Variants in STXBP4 observed in about 807,000 individuals in gnomAD.
The protein encoded by STXBP4 is syntaxin-binding protein 4.
STXBP4 carries 55 observed loss-of-function variants against 76.1 expected under a neutral mutation model. The ratio of observed to expected loss-of-function variants is 0.72; its 90% CI spans 0.58 to 0.91. The LOEUF (loss-of-function observed/expected upper bound fraction) is 0.91, where lower values mean the gene tolerates loss of function less well. Ranked by LOEUF, STXBP4 falls within the 40% of genes least tolerant of loss-of-function variation. The pLI is 0.00. For synonymous variants in STXBP4, 201 were observed against 220.2 expected, an observed-to-expected ratio of 0.91 and a Z score of 0.77; for missense variants, 618 against 636.9, an observed-to-expected ratio of 0.97 and a Z score of 0.32.
intron 1 of STXBP4, among the ~76,000 whole-genome samples, chr17:54,973,740 G>C (rs1464287315): frequency 1.3e-5 from 2 of 152,208 alleles, no homozygotes; most frequent in Admixed American, 6.5e-5. Context: ...TGGAATGAGA[G>C]CTCCTCAGGG....
the STXBP4 span, among the ~76,000 whole-genome samples, chr17:55,208,810 G>A: frequency 1.3e-5 from 2 of 152,066 alleles, no homozygotes; most frequent in Non-Finnish European, 2.9e-5. Context: ...GGCTAGGCAC[G>A]GTGACTTACG....
rs1321048630 is a variant in STXBP4 at position 55,163,595 on chromosome 17, CT to C, written c.*3685del. On this transcript the variant is annotated 3_prime_UTR_variant, in exon 18 of 18. Coordinates refer to ENST00000376352, the MANE Select transcript of STXBP4 (RefSeq NM_178509.6). ...AACTCAGCAAACACTTCCTGAGCAC[CT>C]GCTACATGCCAGGCAAAATGTGAAA... is the stretch of plus-strand genomic sequence containing the variant. 2 of 152,186 alleles carry C rather than the reference CT, an allele frequency of 1.3e-5. No individual in the cohort carries two copies. 9.4% of individuals were successfully genotyped at this position (152,186 alleles called of 1,614,324 possible).
At chr17:55,022,721 A>G (rs1178268927) in intron 8 of STXBP4, among the ~76,000 whole-genome samples, 1 of 152,188 alleles carries the variant, frequency 6.6e-6, no homozygotes, top group African/African-American at 2.4e-5. Flanking sequence ...AACTTCTGAG[A>G]TATAAGGGAA....
intron 3 of STXBP4, among the ~76,000 whole-genome samples, chr17:54,988,950 A>G (rs377200313): frequency 7.2e-5 from 11 of 152,334 alleles, no homozygotes; most frequent in African/African-American, 2.4e-4. Flanking sequence ...GGAGAGCAAA[A>G]TAGTCAAAAA....
At chr17:55,012,225 A>G (rs2078128565) in intron 8 of STXBP4, among the ~76,000 whole-genome samples, 1 of 152,140 alleles carries the variant, frequency 6.6e-6, no homozygotes, top group South Asian at 2.1e-4. Flanking sequence ...AGCTGCAGGC[A>G]AAAGTATTTT....
intron 16 of STXBP4, among the ~76,000 whole-genome samples, chr17:55,088,188 T>G (rs1435172339): frequency 6.6e-6 from 1 of 152,202 alleles, no homozygotes. Flanking sequence ...AAAACAAAAT[T>G]ACTACCATGA....
chr17:55,047,999 A>G (rs1052414936), intron 12 of STXBP4, among the ~76,000 whole-genome samples: 3 of 151,910 alleles, frequency 2.0e-5, no homozygotes, highest in African/African-American at 7.2e-5. Flanking sequence ...AATTAGATGA[A>G]GAACAAACAA....
chr17:55,051,887 C>T (rs993451472), intron 12 of STXBP4, among the ~76,000 whole-genome samples: 15 of 151,908 alleles, frequency 9.9e-5, no homozygotes, highest in Admixed American at 2.0e-4. Context: ...TATATATATG[C>T]GTGTGTATAT....
At chr17:55,135,385 A>G (rs1033644371) in intron 16 of STXBP4, among the ~76,000 whole-genome samples, 20 of 152,144 alleles carry the variant, frequency 1.3e-4, no homozygotes, top group Admixed American at 1.3e-3. Context: ...CTCAAACAAC[A>G]ATGATGTATA....
At chr17:55,072,875 A>T in intron 12 of STXBP4, 25 bp from the exon 13 acceptor site, 1 of 1,568,138 alleles carries the variant, frequency 6.4e-7, no homozygotes, top group Non-Finnish European at 8.6e-7. Flanking sequence ...TATTTTTTAA[A>T]TGACATTAAT....
intron 16 of STXBP4, among the ~76,000 whole-genome samples, chr17:55,120,030 A>G (rs932960887): frequency 5.9e-5 from 9 of 152,186 alleles, no homozygotes; most frequent in Non-Finnish European, 1.3e-4. Flanking sequence ...TTGTTAACAT[A>G]TAGCCACAGT....
intron 3 of STXBP4, 65 bp downstream of exon 3, chr17:54,986,331 T>G: frequency 7.7e-7 from 1 of 1,305,200 alleles, no homozygotes; most frequent in Non-Finnish European, 1.1e-6. Flanking sequence ...AATGAACATT[T>G]GATTAAAAGT....
At chr17:55,085,408 G>A (rs1289861338) in intron 16 of STXBP4, among the ~76,000 whole-genome samples, 1 of 152,020 alleles carries the variant, frequency 6.6e-6, no homozygotes, top group African/African-American at 2.4e-5. Context: ...TAATTTAGTT[G>A]GGATGGCTCA....
At chr17:55,085,942 C>T (rs142833477) in intron 16 of STXBP4, among the ~76,000 whole-genome samples, 39 of 152,152 alleles carry the variant, frequency 2.6e-4, no homozygotes, top group African/African-American at 2.7e-4. Flanking sequence ...AATAATCACT[C>T]GTAATGTGTT....
the STXBP4 span, among the ~76,000 whole-genome samples, chr17:55,198,969 C>A: frequency 6.6e-6 from 1 of 152,178 alleles, no homozygotes; most frequent in Non-Finnish European, 1.5e-5. Context: ...CTGACACAGT[C>A]TTTCTATGCC....
intron 8 of STXBP4, among the ~76,000 whole-genome samples, chr17:55,019,760 C>G (rs2078272956): frequency 6.6e-6 from 1 of 152,092 alleles, no homozygotes; most frequent in South Asian, 2.1e-4. Context: ...ATTTTGCCCT[C>G]ATTTTTGAAA....
chr17:55,097,136 G>T (rs918484011), intron 16 of STXBP4, among the ~76,000 whole-genome samples: 1 of 151,386 alleles, frequency 6.6e-6, no homozygotes, highest in Non-Finnish European at 1.5e-5. Flanking sequence ...GGACTACACA[G>T]TGCTATTTGT....
chr17:55,027,595 T>A (rs2078438571), intron 8 of STXBP4, among the ~76,000 whole-genome samples: 1 of 152,230 alleles, frequency 6.6e-6, no homozygotes, highest in Non-Finnish European at 1.5e-5. Flanking sequence ...GAACTCACAC[T>A]TTCTGATTTG....
intron 8 of STXBP4, among the ~76,000 whole-genome samples, chr17:55,023,149 G>C (rs553487911): frequency 1.3e-5 from 2 of 152,260 alleles, no homozygotes; most frequent in African/African-American, 2.4e-5. Context: ...CTGGGAGCGG[G>C]TCCGTAGTTC....
Sources: gnomAD v4.1 joint callset for allele counts (sites outside exome capture counted in the v4.1 genomes callset) on GRCh38, gnomAD v4.1.1 for gene constraint, MANE v1.5 for transcripts, NCBI Gene and HGNC (gene_info 2026-07-23, HGNC 2026-07-21) for gene names.